SERAC1: variants seen among roughly 807,000 people sequenced by gnomAD.
SERAC1 encodes protein SERAC1.
In SERAC1, 36 loss-of-function variants were observed where a neutral mutation model predicts 85.7. The ratio of observed to expected loss-of-function variants is 0.42; its 90% CI spans 0.32 to 0.55. The LOEUF is 0.55. Among genes scored for constraint, SERAC1 ranks in the 20% least tolerant of loss-of-function variants. SERAC1 has a pLI of 0.11. For synonymous variants in SERAC1, 242 were observed against 265.3 expected, an observed-to-expected ratio of 0.91 and a Z score of 0.85; for missense variants, 629 against 796.2, an observed-to-expected ratio of 0.79 and a Z score of 2.53.
At chr6:158,152,117 G>A (rs1406371794) in intron 3 of SERAC1, among the ~76,000 whole-genome samples, 4 of 152,182 alleles carry the variant, frequency 2.6e-5, no homozygotes, top group African/African-American at 9.7e-5. Context: ...AGTGGTGCAT[G>A]CCTGTAGTAC....
intron 3 of SERAC1, 79 bp downstream of exon 3, chr6:158,155,236 G>T: frequency 1.0e-6 from 1 of 975,250 alleles, no homozygotes; most frequent in Non-Finnish European, 1.6e-6. Flanking sequence ...AAGACCTCAT[G>T]CAACCTGTCA....
intron 8 of SERAC1, among the ~76,000 whole-genome samples, chr6:158,133,378 ATTTTTTT>A (rs767768720): frequency 3.0e-5 from 2 of 66,376 alleles, no homozygotes; most frequent in Non-Finnish European, 4.9e-5. Context: ...TCTGGTGTTA[ATTTTTTT>A]TTTTTTTTTT....
intron 8 of SERAC1, among the ~76,000 whole-genome samples, chr6:158,139,122 CTCA>C (rs1380923904): frequency 1.3e-5 from 2 of 152,078 alleles, no homozygotes; most frequent in Non-Finnish European, 2.9e-5. Flanking sequence ...CCAGGCTGTT[CTCA>C]AACTCCTGGG....
intron 6 of SERAC1, chr6:158,146,398 CTTTTTTTTTTT>C (rs1007942638): frequency 3.0e-5 from 2 of 66,810 alleles, no homozygotes; most frequent in Non-Finnish European, 5.4e-5. Context: ...ACTCCCTTGT[CTTTTTTTTTTT>C]TTTTTTTTTT....
chr6:158,145,537 T>C (rs1448894879), intron 6 of SERAC1, among the ~76,000 whole-genome samples: 1 of 151,482 alleles, frequency 6.6e-6, no homozygotes, highest in Non-Finnish European at 1.5e-5. Context: ...TTTTTTTTTT[T>C]TTTGAGACAG....
At chr6:158,146,683 T>G in intron 6 of SERAC1, 99 bp downstream of exon 6, 1 of 1,479,528 alleles carries the variant, frequency 6.8e-7, no homozygotes, top group South Asian at 1.2e-5. Flanking sequence ...GTGCTGGGAT[T>G]ACAGGCGTGA....
At chr6:158,136,535 A>G (rs181815213) in intron 8 of SERAC1, among the ~76,000 whole-genome samples, 1 of 152,182 alleles carries the variant, frequency 6.6e-6, no homozygotes, top group African/African-American at 2.4e-5. Flanking sequence ...CCCAGGTTGG[A>G]GTGCAGTGGC....
intron 8 of SERAC1, among the ~76,000 whole-genome samples, chr6:158,135,732 TC>T (rs1272137109): frequency 1.3e-5 from 2 of 152,270 alleles, no homozygotes; most frequent in Non-Finnish European, 1.5e-5. Flanking sequence ...TGTGAATAGG[TC>T]CGTTAAAATA....
intron 1 of SERAC1, chr6:158,161,514 C>G (rs1459107891): frequency 6.6e-6 from 1 of 151,934 alleles, no homozygotes; most frequent in East Asian, 1.9e-4. Context: ...AAATCTAAGT[C>G]TAACTGTTGT....
chr6:158,152,518 A>G (rs1325177361), intron 3 of SERAC1, among the ~76,000 whole-genome samples: 1 of 142,886 alleles, frequency 7.0e-6, no homozygotes, highest in African/African-American at 2.6e-5. Flanking sequence ...TCCATCTCCG[A>G]AAAAAAAAAA....
chr6:158,149,018 CT>C, intron 4 of SERAC1, 64 bp from the exon 5 acceptor site: 1 of 1,241,702 alleles, frequency 8.1e-7, no homozygotes, highest in Non-Finnish European at 1.1e-6. Context: ...GAGATGGAAT[CT>C]TACTCTGTCG....
At chr6:158,158,965 T>C (rs1444596053) in intron 1 of SERAC1, 4 of 152,242 alleles carry the variant, frequency 2.6e-5, no homozygotes, top group Non-Finnish European at 5.9e-5. Context: ...AAGATGATCA[T>C]ATGCTGCAAT....
At chr6:158,155,373 T>C (rs750013321) in intron 2 of SERAC1, 22 bp from the exon 3 acceptor site, 13 of 1,418,138 alleles carry the variant, frequency 9.2e-6, no homozygotes, top group Non-Finnish European at 1.3e-5. Flanking sequence ...AAAAAGTCAA[T>C]GTGATGAATT....
chr6:158,147,062 T>G, intron 5 of SERAC1, 149 bp from the exon 6 acceptor site: 1 of 797,680 alleles, frequency 1.3e-6, no homozygotes, highest in Non-Finnish European at 1.9e-6. Flanking sequence ...ATATTATTTG[T>G]TCTCAATTCT....
At position 158,140,024 on chromosome 6, in the gene SERAC1, C is replaced by G. The variant is rs539190121; in HGVS notation, c.738+3032G>C. On this transcript the variant is annotated intron_variant, in intron 8 of 16. Coordinates refer to ENST00000647468, the MANE Select transcript of SERAC1 (RefSeq NM_032861.4). Reference sequence around the variant, plus strand: ...CTCAAAAAGTTACTTACCATAACACCCAGAAATTCCACTCCTAGGTATATA... The same window carrying G: ...CTCAAAAAGTTACTTACCATAACACGCAGAAATTCCACTCCTAGGTATATA... Among the ~76,000 whole-genome samples, 6 of 152,170 alleles carry G rather than the reference C, an allele frequency of 3.9e-5. No homozygotes were observed. In the South Asian group the frequency reaches 1.2e-3, roughly 32 times the overall value.
chr6:158,161,137 AG>A (rs1785478628), intron 1 of SERAC1: 1 of 152,210 alleles, frequency 6.6e-6, no homozygotes, highest in Non-Finnish European at 1.5e-5. Context: ...CAGCACTTGG[AG>A]GCCAAGGTGG....
intron 16 of SERAC1, 83 bp from the exon 17 acceptor site, chr6:158,111,585 G>T: frequency 9.2e-7 from 1 of 1,082,258 alleles, no homozygotes; most frequent in Non-Finnish European, 1.3e-6. Context: ...CGAATGGGTA[G>T]TTCTAGACAT....
chr6:158,116,142 T>C (rs1257928541), intron 14 of SERAC1, 43 bp downstream of exon 14: 2 of 1,526,652 alleles, frequency 1.3e-6, no homozygotes, highest in Non-Finnish European at 1.8e-6. Context: ...TGGCTGAAAA[T>C]AACATCACAA....
intron 10 of SERAC1, among the ~76,000 whole-genome samples, chr6:158,127,010 A>G (rs1034534170): frequency 2.0e-5 from 3 of 151,682 alleles, no homozygotes; most frequent in African/African-American, 4.9e-5. Flanking sequence ...CTATGACCAC[A>G]CCACTGCACT....
Sources: allele counts gnomAD v4.1 joint callset (sites outside exome capture counted in the v4.1 genomes callset), GRCh38; gene constraint gnomAD v4.1.1; transcripts MANE v1.5; gene names NCBI Gene and HGNC (gene_info 2026-07-23, HGNC 2026-07-21).